The following PNPLA7 variants were observed in gnomAD, a reference collection of about 807,000 sequenced individuals.
The protein encoded by PNPLA7 is patatin-like phospholipase domain-containing protein 7.
Under a neutral mutation model 161.7 loss-of-function variants are expected in PNPLA7, and 153 were observed. The observed-to-expected ratio is 0.95, with a 90% CI of 0.83 to 1.08. The LOEUF (loss-of-function observed/expected upper bound fraction) is 1.08, where lower values mean the gene tolerates loss of function less well. Ranked by LOEUF, PNPLA7 falls within the 50% of genes least tolerant of loss-of-function variation. The probability of loss-of-function intolerance (pLI) is 0.00; values close to 1 mark genes in which losing one functional copy is unlikely to be tolerated. For synonymous variants in PNPLA7, 809 were observed against 782.1 expected (o/e 1.03, Z -0.57); for missense variants, 1,739 against 1,856.6 (o/e 0.94, Z 1.16).
intron 20 of PNPLA7, chr9:137,491,686 G>A: frequency 2.0e-6 from 2 of 985,458 alleles, no homozygotes; most frequent in African/African-American, 3.5e-5. Flanking sequence ...CTAGAGTGGG[G>A]CTCACACTTC....
chr9:137,475,509 C>T (rs191494279), intron 25 of PNPLA7, among the ~76,000 whole-genome samples: 3,947 of 152,048 alleles, frequency 0.026, 170 homozygotes, highest in African/African-American at 0.087. Flanking sequence ...TGAGTAGCTG[C>T]GACTACAGGC....
chr9:137,549,989 G>C (rs1836762280), intron 1 of PNPLA7, among the ~76,000 whole-genome samples, 179 bp downstream of exon 1: 1 of 152,238 alleles, frequency 6.6e-6, no homozygotes, highest in African/African-American at 2.4e-5. Flanking sequence ...TCTAACAAGT[G>C]CTGGCAGCTG....
chr9:137,460,320 G>A lies in PNPLA7; in HGVS notation c.*73C>T. 6.8e-7 allele frequency: 1 copy of A among 1,468,600 alleles called. No homozygotes were observed. The allele number at this position is 1,468,600 out of a possible 1,614,324, so 91.0% of individuals were successfully genotyped here. ...GCAGGGCAGGTACAGAGGCCCCTAG[G>A]ACTTGGCAGGAGCCTCAGCCTTGGG... On this transcript the variant is annotated 3_prime_UTR_variant, in exon 35 of 35. Coordinates refer to ENST00000406427, the MANE Select transcript of PNPLA7 (RefSeq NM_001098537.3).
chr9:137,495,586 GAT>G (rs1833011724), intron 18 of PNPLA7, among the ~76,000 whole-genome samples: 7 of 152,134 alleles, frequency 4.6e-5, no homozygotes, highest in African/African-American at 1.7e-4. Context: ...TGTGACCACA[GAT>G]GCCCACCACC....
chr9:137,524,733 G>A lies in PNPLA7; in HGVS notation c.748-1876C>T, dbSNP rs1025365929. ...TGTGTTTTGCATTCTCACCAGCAGC[G>A]AACGAGTTTCCGTGGATGCCCCGTG... On this transcript the variant is annotated intron_variant, in intron 8 of 34. Coordinates refer to ENST00000406427, the MANE Select transcript of PNPLA7 (RefSeq NM_001098537.3). The surrounding 1 kb of genome is among the most constrained non-coding windows in gnomAD (Gnocchi z 4.4). Among the ~76,000 whole-genome samples, 4 of 152,190 alleles carry A rather than the reference G, an allele frequency of 2.6e-5. No individual in the cohort carries two copies. The highest frequency in any genetic ancestry group is 1.9e-4 in the East Asian group (1 of 5,202).
In PNPLA7 at chr9:137,460,496, T is replaced by A. The variant is rs766652466; in HGVS notation, c.3946-20A>T. The A allele has an allele frequency of 3.7e-6, 6 of 1,611,760 alleles. No homozygotes were observed. Among genetic ancestry groups the A allele is most frequent in the Non-Finnish European group, 5.1e-6 (6 of 1,179,724 alleles). On this transcript the variant is annotated intron_variant, in intron 34 of 34. Transcript: ENST00000406427. ...GTCCTCCTGCAAGCAGACCGCATGTTCCAGGTGAGGACCAGGCAGGGCAGG... is the reference window on the plus strand; with the variant it reads ...GTCCTCCTGCAAGCAGACCGCATGTACCAGGTGAGGACCAGGCAGGGCAGG...
intron 19 of PNPLA7, among the ~76,000 whole-genome samples, chr9:137,494,339 CA>C (rs1305374493): frequency 6.6e-6 from 1 of 152,078 alleles, no homozygotes; most frequent in Non-Finnish European, 1.5e-5. Flanking sequence ...GAGAGGCCAC[CA>C]AGAAGGCAGC....
At chr9:137,546,332 A>G (rs1003584098) in intron 4 of PNPLA7, among the ~76,000 whole-genome samples, 1 of 151,660 alleles carries the variant, frequency 6.6e-6, no homozygotes, top group Non-Finnish European at 1.5e-5. Context: ...TATCCAATAA[A>G]TATCAGTGCA....
intron 8 of PNPLA7, among the ~76,000 whole-genome samples, chr9:137,534,948 G>A (rs1024518945): frequency 7.1e-6 from 1 of 140,764 alleles, no homozygotes; most frequent in Admixed American, 6.8e-5. Flanking sequence ...AACCCCAGCA[G>A]GGCCAAACAC....
At chr9:137,473,106 C>T (rs1288972193) in intron 25 of PNPLA7, among the ~76,000 whole-genome samples, 1 of 152,172 alleles carries the variant, frequency 6.6e-6, no homozygotes, top group Non-Finnish European at 1.5e-5. Context: ...TTTGTAAAAC[C>T]ATCAGATCCC....
At chr9:137,522,172 T>C (rs989778115) in intron 9 of PNPLA7, among the ~76,000 whole-genome samples, 21 of 152,224 alleles carry the variant, frequency 1.4e-4, no homozygotes, top group Non-Finnish European at 1.9e-4. Flanking sequence ...CCTCCCGGGT[T>C]CATGCCGTTC....
rs1332932351 is a variant in PNPLA7, at chr9:137,467,304, G to A, written c.3039+13C>T. ...GGGCTGTGCTCCGGTGAGGGTGATG[G>A]GTGCCTGCTTACCTCGGCCCACTGC... On this transcript the variant is annotated intron_variant, in intron 26 of 34. Coordinates refer to ENST00000406427, the MANE Select transcript of PNPLA7 (RefSeq NM_001098537.3). The surrounding 1 kb of genome is among the most constrained non-coding windows in gnomAD (Gnocchi z 5.1). 2 of 1,608,208 alleles carry A rather than the reference G, an allele frequency of 1.2e-6. No individual in the cohort carries two copies. The highest frequency in any genetic ancestry group is 3.4e-5 in the Admixed American group (2 of 59,526).
chr9:137,485,032 C>T (rs748253427), intron 20 of PNPLA7, among the ~76,000 whole-genome samples: 5 of 152,374 alleles, frequency 3.3e-5, no homozygotes, highest in Non-Finnish European at 4.4e-5. Context: ...CTGGGCCTCA[C>T]GCTGTCCCCA....
rs142585905 is a variant in PNPLA7, at chr9:137,547,993, CT to C, written c.31-335del. Among the ~76,000 whole-genome samples, 99 of 152,304 alleles carry C rather than the reference CT, an allele frequency of 6.5e-4. 1 individual carries two copies. In the East Asian group the frequency reaches 0.018, roughly 27 times the overall value. ...GGCCAAAGGGGAGGCCAAGGCCCCC[CT>C]CTCAGTGTCGCCTCAGCCCCAGCAG... On this transcript the variant is annotated intron_variant, in intron 1 of 34. Transcript: ENST00000406427. The surrounding 1 kb of genome is among the most constrained non-coding windows in gnomAD (Gnocchi z 4.6).
At chr9:137,536,503 A>G (rs140221607) in intron 8 of PNPLA7, among the ~76,000 whole-genome samples, 1 of 152,294 alleles carries the variant, frequency 6.6e-6, no homozygotes, top group East Asian at 1.9e-4. Flanking sequence ...GCATATAAAA[A>G]TCACCAAGAG....
At chr9:137,464,896 C>G (rs775595222) in intron 26 of PNPLA7, 139 of 195,170 alleles carry the variant, frequency 7.1e-4, no homozygotes, top group Non-Finnish European at 1.8e-4. Context: ...TCGGGAAGGT[C>G]AGAGCCACCC....
chr9:137,486,606 C>T lies in PNPLA7; in HGVS notation c.2198-1870G>A, dbSNP rs1451920632. Among the ~76,000 whole-genome samples the T allele has an allele frequency of 2.0e-5, 3 of 152,124 alleles. No homozygotes were observed. Among genetic ancestry groups the T allele is most frequent in the Non-Finnish European group, 4.4e-5 (3 of 68,018 alleles). On this transcript the variant is annotated intron_variant, in intron 20 of 34. Transcript: ENST00000406427. The surrounding 1 kb of genome is among the most constrained non-coding windows in gnomAD (Gnocchi z 6.0). ...ACAGCCCCAGATCCTCCCTCGGACT[C>T]GGCCCCCACCTCCGGCCCCAGGCTC...
rs1429507731 is a variant in PNPLA7, at chr9:137,460,412, G to A, written c.4010C>T (p.Ser1337Phe). Reference protein sequence around the residue: ...SLAFPKLSEGSSDQDG With the variant: ...SLAFPKLSEGFSDQDG ...AGGCCTCTACCCGTCCTGGTCAGAG[G>A]AGCCCTCAGACAGTTTTGGGAAAGC... is the stretch of plus-strand genomic sequence containing the variant. The change falls in exon 35 of 35, where the codon TCC becomes TTC. Residue 1337 changes from serine (S) to phenylalanine (F), a missense_variant. Physicochemically the swap from Ser to Phe is radical, Grantham distance 155. This residue lies in a region of PNPLA7 where 703 missense variants were observed against 694.6 expected (regional missense o/e 1.01). Coordinates refer to ENST00000406427, the MANE Select transcript of PNPLA7 (RefSeq NM_001098537.3). The A allele has an allele frequency of 2.5e-6, 4 of 1,612,554 alleles. No homozygotes were observed. Among genetic ancestry groups the A allele is most frequent in the Middle Eastern group, 1.7e-4 (1 of 6,046 alleles).
intron 8 of PNPLA7, among the ~76,000 whole-genome samples, chr9:137,531,474 G>T (rs749709138): frequency 5.9e-5 from 9 of 152,192 alleles, no homozygotes; most frequent in Non-Finnish European, 1.2e-4. Flanking sequence ...AGCCCAGGTG[G>T]ACACGCAGCT....
Sources: gnomAD v4.1 joint callset for allele counts (sites outside exome capture counted in the v4.1 genomes callset) on GRCh38, gnomAD v4.1.1 for gene constraint, gnomAD v4.1.1 regional missense constraint, Gnocchi (gnomAD v3.1) non-coding constraint, MANE v1.5 for transcripts, NCBI Gene and HGNC (gene_info 2026-07-23, HGNC 2026-07-21) for gene names.